The following DNAJC9 variants were observed in gnomAD, a reference collection of about 807,000 sequenced individuals.
DNAJC9 encodes the protein DnaJ heat shock protein family (Hsp40) member C9.
In DNAJC9, 18 loss-of-function variants were observed where a neutral mutation model predicts 32.4. The observed-to-expected ratio is 0.56, with a 90% CI of 0.38 to 0.82. The LOEUF (loss-of-function observed/expected upper bound fraction) is 0.82. Among genes scored for constraint, DNAJC9 ranks in the 40% least tolerant of loss-of-function variants. DNAJC9 has a pLI of 0.00. For synonymous variants in DNAJC9, 113 were observed against 122.1 expected, an observed-to-expected ratio of 0.93 and a Z score of 0.49; for missense variants, 310 against 321.8, an observed-to-expected ratio of 0.96 and a Z score of 0.28.
At chr10:73,235,184 CCT>C, downstream of DNAJC9, 1 of 1,551,386 alleles carries the variant, frequency 6.4e-7, no homozygotes, top group Non-Finnish European at 8.7e-7. Flanking sequence ...ACTTTTGTCT[CCT>C]CTGCAGAAAC....
downstream of DNAJC9, among the ~76,000 whole-genome samples, chr10:73,236,302 C>G (rs1449811664): frequency 1.3e-5 from 2 of 152,148 alleles, no homozygotes; most frequent in South Asian, 2.1e-4. Context: ...CAGAGCTATG[C>G]TCCCTTTGCA....
rs374154254 is a variant in DNAJC9, at chr10:73,247,221, G to C, written c.-32C>G. The C allele has an allele frequency of 4.3e-5, 68 of 1,570,164 alleles. 1 individual carries two copies. The highest frequency in any genetic ancestry group is 1.5e-4 in the South Asian group (13 of 86,080). ...CGGAGATACGACCCCGGAGGAAGCAGCCGCTCCCAGCTGCGCCGGGTACAA... is the reference window on the plus strand; with the variant it reads ...CGGAGATACGACCCCGGAGGAAGCACCCGCTCCCAGCTGCGCCGGGTACAA... On this transcript the variant is annotated 5_prime_UTR_variant, in exon 1 of 5. Transcript: ENST00000372950.
chr10:73,244,947 A>G (rs923614135), intron 3 of DNAJC9, among the ~76,000 whole-genome samples: 1 of 152,224 alleles, frequency 6.6e-6, no homozygotes, highest in African/African-American at 2.4e-5. Context: ...TATCAAAACT[A>G]TGCCATTTTC....
downstream of DNAJC9, chr10:73,240,995 CT>C: frequency 6.7e-6 from 10 of 1,498,568 alleles, no homozygotes; most frequent in Non-Finnish European, 8.8e-6. Flanking sequence ...GCAGACCAGT[CT>C]CTCGAACCAG....
At chr10:73,240,705 C>T (rs2043929565), downstream of DNAJC9, among the ~76,000 whole-genome samples, 4 of 149,250 alleles carry the variant, frequency 2.7e-5, no homozygotes, top group South Asian at 6.3e-4. Flanking sequence ...CAGAGTGAGA[C>T]TCCACCTCCA....
downstream of DNAJC9, among the ~76,000 whole-genome samples, chr10:73,238,015 T>C (rs1162901631): frequency 1.3e-5 from 2 of 152,076 alleles, no homozygotes; most frequent in African/African-American, 4.8e-5. Context: ...TTTGCTGTCA[T>C]AAAAAGGGAG....
At chr10:73,236,717 T>C (rs2043830311), downstream of DNAJC9, among the ~76,000 whole-genome samples, 1 of 149,414 alleles carries the variant, frequency 6.7e-6, no homozygotes, top group Non-Finnish European at 1.5e-5. Flanking sequence ...CGGCCTTTTT[T>C]TTCTTTTCTT....
chr10:73,235,855 T>G (rs991112096), downstream of DNAJC9, among the ~76,000 whole-genome samples: 4 of 152,104 alleles, frequency 2.6e-5, no homozygotes, highest in African/African-American at 9.7e-5. Context: ...TTTCTACTGG[T>G]GTTTTAAATG....
rs1268373864 is a variant in DNAJC9 at position 73,243,386 on chromosome 10, A to G, written c.*14T>C. ...TCAATTTACACCTAAGGACCTTTGA[A>G]GAGAAAAATTCCATTATTTCTTTTC... On this transcript the variant is annotated 3_prime_UTR_variant, in exon 5 of 5. Transcript: ENST00000372950. The G allele has an allele frequency of 6.2e-7, 1 of 1,612,892 alleles. No individual in the cohort carries two copies. The highest frequency in any genetic ancestry group is 8.5e-7 in the Non-Finnish European group (1 of 1,179,796).
intron 2 of DNAJC9, chr10:73,232,968 C>T (rs1329432644): frequency 1.3e-6 from 2 of 1,551,506 alleles, no homozygotes; most frequent in Admixed American, 3.9e-5. Flanking sequence ...CTTATGAGGC[C>T]TGGGTCCAGT....
At chr10:73,238,374 G>A (rs1182836421), downstream of DNAJC9, among the ~76,000 whole-genome samples, 1 of 152,190 alleles carries the variant, frequency 6.6e-6, no homozygotes, top group Non-Finnish European at 1.5e-5. Context: ...AATGCTAGCT[G>A]TCCTGGGCCT....
At position 73,247,181 on chromosome 10, in the gene DNAJC9, C is replaced by A; in HGVS notation, c.9G>T (p.Leu3=). 1.3e-6 allele frequency: 2 copies of A among 1,592,824 alleles called. No individual in the cohort carries two copies. Among genetic ancestry groups the A allele is most frequent in the Admixed American group, 1.7e-5 (1 of 57,536 alleles). The change falls in exon 1 of 5, where the codon CTG becomes CTT. Residue 3 remains leucine, a synonymous_variant. Coordinates refer to ENST00000372950, the MANE Select transcript of DNAJC9 (RefSeq NM_015190.5). ...CGAACACTTCCTCGCAAAGGTCCAG[C>A]AGCCCCATGCCGGGCGGAGATACGA... MG[L]LDLCEEVFGT...
chr10:73,245,725 A>T (rs909580172), intron 3 of DNAJC9, among the ~76,000 whole-genome samples, 197 bp downstream of exon 3: 5 of 152,222 alleles, frequency 3.3e-5, no homozygotes, highest in African/African-American at 4.8e-5. Context: ...ATGCAATAAA[A>T]ATCATCTTGA....
intron 1 of DNAJC9, 62 bp from the exon 2 acceptor site, chr10:73,246,890 A>C: frequency 1.2e-6 from 2 of 1,608,658 alleles, no homozygotes; most frequent in Non-Finnish European, 1.7e-6. Context: ...CGGCGCGAGA[A>C]ATAAAGATCA....
rs146939014 is a variant in DNAJC9 at position 73,246,078 on chromosome 10, G to A, written c.420C>T (p.Asp140=). Residue 140 remains aspartate (D), a synonymous_variant, in exon 3 of 5, where the codon GAC becomes GAT. Transcript: ENST00000372950. ...IKQAYLDFKG[D]MDQIMESVLC... is the part of the protein sequence containing the mutation. ...GCACAGACTCCATGATCTGATCCATGTCACCCTTGAAGTCCAGATAGGCCT... is the reference window on the plus strand; with the variant it reads ...GCACAGACTCCATGATCTGATCCATATCACCCTTGAAGTCCAGATAGGCCT... 2 of 1,613,830 alleles carry A rather than the reference G, an allele frequency of 1.2e-6. No homozygotes were observed. Among genetic ancestry groups the A allele is most frequent in the African/African-American group, 1.3e-5 (1 of 75,008 alleles).
chr10:73,234,728 T>C, downstream of DNAJC9: 1 of 1,396,190 alleles, frequency 7.2e-7, no homozygotes, highest in Non-Finnish European at 9.7e-7. Context: ...TAAACTCATC[T>C]GCTTCATTTA....
rs1443056477 is a variant in DNAJC9, at chr10:73,242,864, CCT to C, written c.*534_*535del. On this transcript the variant is annotated 3_prime_UTR_variant, in exon 5 of 5. Transcript: ENST00000372950. ...TACCTTTTTTATTGAATTATATACA[CCT>C]CTTACAAAAATGCTTGAAGTAATTT... 6.5e-5 allele frequency: 10 copies of C among 152,804 alleles called. No homozygotes were observed. The highest frequency in any genetic ancestry group is 2.4e-4 in the African/African-American group (10 of 41,434). The allele number at this position is 152,804 out of a possible 1,614,324, so 9.5% of individuals were successfully genotyped here. A position where few individuals can be genotyped will look rare whatever the true frequency, so the allele number is the denominator to read the frequency against.
downstream of DNAJC9, chr10:73,241,057 G>T (rs539137604): frequency 9.7e-6 from 11 of 1,130,056 alleles, no homozygotes; most frequent in African/African-American, 1.3e-4. Context: ...CAGGAAACAC[G>T]AGATTTCATG....
chr10:73,245,790 G>A, intron 3 of DNAJC9, 132 bp downstream of exon 3: 1 of 1,127,854 alleles, frequency 8.9e-7, no homozygotes, highest in Non-Finnish European at 1.2e-6. Context: ...CATTTTATTA[G>A]ATCGAAACTA....
Sources: gnomAD v4.1 joint callset for allele counts (sites outside exome capture counted in the v4.1 genomes callset) on GRCh38, gnomAD v4.1.1 for gene constraint, MANE v1.5 for transcripts, NCBI Gene and HGNC (gene_info 2026-07-23, HGNC 2026-07-21) for gene names.